The following CSNK2A1 variants were observed in gnomAD, a reference collection of about 807,000 sequenced individuals.
CSNK2A1 encodes casein kinase 2 alpha 1.
CSNK2A1 carries 10 observed loss-of-function variants against 62.9 expected under a neutral mutation model. The ratio of observed to expected loss-of-function variants is 0.16; its 90% CI spans 0.10 to 0.27. CSNK2A1 has a LOEUF of 0.27. Among genes scored for constraint, CSNK2A1 ranks in the 10% least tolerant of loss-of-function variants. The pLI, the probability that CSNK2A1 is intolerant of heterozygous loss-of-function variation, is 1.00. For synonymous variants in CSNK2A1, 124 were observed against 167.8 expected (o/e 0.74, Z 2.02); for missense variants, 160 against 492.0 (o/e 0.33, Z 6.38).
chr20:522,015 C>G (rs925539645), intron 2 of CSNK2A1, among the ~76,000 whole-genome samples: 2 of 152,204 alleles, frequency 1.3e-5, no homozygotes, highest in Non-Finnish European at 2.9e-5. Flanking sequence ...TGTTAGGAAC[C>G]AGGCTACACA....
rs74558287 is a variant in CSNK2A1 at position 485,338 on chromosome 20, C to T, written c.1060+1038G>A. ...GCTGGGATTAAAGGCGCCGCCGCCA[C>T]GCCCAGCTAATTTTTTGTATTTCCA... On this transcript the variant is annotated intron_variant, in intron 13 of 13. Coordinates refer to ENST00000217244, the MANE Select transcript of CSNK2A1 (RefSeq NM_177559.3). 6.7e-3 allele frequency among the ~76,000 whole-genome samples: 1,012 copies of T among 151,486 alleles called. 12 individuals are homozygous for T. Among genetic ancestry groups the T allele is most frequent in the African/African-American group, 0.022 (893 of 41,304 alleles).
chr20:508,324 C>G, intron 3 of CSNK2A1, 127 bp downstream of exon 3: 4 of 1,053,272 alleles, frequency 3.8e-6, no homozygotes, highest in Non-Finnish European at 5.3e-6. Context: ...AAAGAAAACA[C>G]AAATTGGGCT....
chr20:485,093 AAAAAAAAAAAAAAAAAATATATATATAT>A (rs2018052981), intron 13 of CSNK2A1, among the ~76,000 whole-genome samples: 3 of 37,804 alleles, frequency 7.9e-5, no homozygotes, highest in African/African-American at 2.7e-4. Context: ...AAAAAAAAAA[AAAAAAAAAAAAAAAAAATATATATATAT>A]ATATATATAT....
chr20:480,255 T>A lies in CSNK2A1; in HGVS notation c.*3706A>T, dbSNP rs895372445. On this transcript the variant is annotated 3_prime_UTR_variant, in exon 14 of 14. Coordinates refer to ENST00000217244, the MANE Select transcript of CSNK2A1 (RefSeq NM_177559.3). ...TACTTTGTGTGTGTGTGTGTGTGTGTGTGGGTGGGTGGGTGTGTGTGTGTA... is the reference window on the plus strand; with the variant it reads ...TACTTTGTGTGTGTGTGTGTGTGTGAGTGGGTGGGTGGGTGTGTGTGTGTA... 6.7e-6 allele frequency: 1 copy of A among 149,484 alleles called. No homozygotes were observed. Among genetic ancestry groups the A allele is most frequent in the Non-Finnish European group, 1.5e-5 (1 of 67,864 alleles). 9.3% of individuals were successfully genotyped at this position (149,484 alleles called of 1,614,324 possible).
chr20:531,189 C>T (rs1568564791), intron 1 of CSNK2A1, among the ~76,000 whole-genome samples: 1 of 151,484 alleles, frequency 6.6e-6, no homozygotes, highest in Non-Finnish European at 1.5e-5. Flanking sequence ...ATTTAACTTT[C>T]TATTTCTTAA....
At chr20:494,666 T>G (rs1460754456) in intron 8 of CSNK2A1, 1 of 152,236 alleles carries the variant, frequency 6.6e-6, no homozygotes, top group Non-Finnish European at 1.5e-5. Context: ...ATGCAAAAGC[T>G]CTCTATCTTC....
chr20:541,601 G>A (rs376885197), intron 1 of CSNK2A1, among the ~76,000 whole-genome samples: 53 of 152,250 alleles, frequency 3.5e-4, no homozygotes, highest in African/African-American at 1.2e-3. Context: ...GGAAAAGGAC[G>A]CGCAGTATGG....
intron 13 of CSNK2A1, among the ~76,000 whole-genome samples, chr20:485,751 A>T (rs2122501243): frequency 6.6e-6 from 1 of 152,322 alleles, no homozygotes; most frequent in East Asian, 1.9e-4. Flanking sequence ...AAAAAAGAGG[A>T]GGGCAACAGC....
chr20:510,204 C>G (rs574637863), intron 2 of CSNK2A1: 387 of 147,770 alleles, frequency 2.6e-3, no homozygotes, highest in African/African-American at 9.0e-3. Flanking sequence ...TGGAGTTTCG[C>G]TCTTGTTGCT....
At position 543,711 on chromosome 20, in the gene CSNK2A1, C is replaced by A; in HGVS notation, c.-266G>T. 5.0e-6 allele frequency: 2 copies of A among 398,458 alleles called. No individual in the cohort carries two copies. Among genetic ancestry groups the A allele is most frequent in the Non-Finnish European group, 8.8e-6 (2 of 226,042 alleles). The allele number at this position is 398,458 out of a possible 1,614,324, so 24.7% of individuals were successfully genotyped here. A position where few individuals can be genotyped will look rare whatever the true frequency, so the allele number is the denominator to read the frequency against. ...GCAGCGGCGGCGGCCGCTCTCCCCT[C>A]TGCTCACACAGACAATATGGCGGCG... is the stretch of plus-strand genomic sequence containing the variant. On this transcript the variant is annotated 5_prime_UTR_variant, in exon 1 of 14. Coordinates refer to ENST00000217244, the MANE Select transcript of CSNK2A1 (RefSeq NM_177559.3).
At position 474,263 on chromosome 20, in the gene CSNK2A1, A is replaced by C. The variant is rs2017805980; in HGVS notation, c.*9698T>G. 1 of 152,184 alleles carries C rather than the reference A, an allele frequency of 6.6e-6. No individual in the cohort carries two copies. Among genetic ancestry groups the C allele is most frequent in the Non-Finnish European group, 1.5e-5 (1 of 68,050 alleles). The allele number at this position is 152,184 out of a possible 1,614,324, so 9.4% of individuals were successfully genotyped here. ...GAACAGAGGACTCGCTGTGTTACCC[A>C]GGCCTCAAGTGATCATCGGGCCTTG... On this transcript the variant is annotated 3_prime_UTR_variant, in exon 14 of 14. Transcript: ENST00000217244.
At chr20:491,505 C>T (rs1004907646) in intron 9 of CSNK2A1, among the ~76,000 whole-genome samples, 9 of 151,954 alleles carry the variant, frequency 5.9e-5, no homozygotes, top group African/African-American at 2.2e-4. Flanking sequence ...TCTCTCTACA[C>T]ACAAAAAAAT....
At chr20:510,359 G>C (rs971652552) in intron 2 of CSNK2A1, 1 of 152,008 alleles carries the variant, frequency 6.6e-6, no homozygotes, top group Admixed American at 6.6e-5. Flanking sequence ...ATTTTTAGTA[G>C]AGATAGGGTT....
chr20:487,355 G>C, intron 12 of CSNK2A1, 72 bp downstream of exon 12: 1 of 1,590,736 alleles, frequency 6.3e-7, no homozygotes, highest in Non-Finnish European at 8.6e-7. Context: ...GCTGACAGGA[G>C]CTGGGATTAC....
At chr20:496,376 T>C (rs183542168) in intron 7 of CSNK2A1, 1 of 152,834 alleles carries the variant, frequency 6.5e-6, no homozygotes, top group African/African-American at 2.4e-5. Context: ...GCCTAAAATA[T>C]TTACTATTTG....
At chr20:531,665 T>C (rs1386420117) in intron 1 of CSNK2A1, among the ~76,000 whole-genome samples, 4 of 152,166 alleles carry the variant, frequency 2.6e-5, no homozygotes, top group Admixed American at 6.5e-5. Context: ...CAGAAACTCA[T>C]CTAAGAAGGC....
chr20:523,959 C>A (rs950296335), intron 2 of CSNK2A1, among the ~76,000 whole-genome samples: 3 of 150,414 alleles, frequency 2.0e-5, no homozygotes, highest in African/African-American at 7.4e-5. Flanking sequence ...GGGTAACATG[C>A]AGAAGGTGAT....
chr20:494,646 A>C (rs2018307852), intron 8 of CSNK2A1: 2 of 152,250 alleles, frequency 1.3e-5, no homozygotes, highest in South Asian at 4.1e-4. Context: ...AACATGCTAA[A>C]GCTTAGAATA....
intron 8 of CSNK2A1, among the ~76,000 whole-genome samples, chr20:492,877 G>C (rs767879773): frequency 2.0e-5 from 3 of 152,092 alleles, no homozygotes; most frequent in Non-Finnish European, 4.4e-5. Flanking sequence ...GGAGAAAAAT[G>C]AATAAATATT....
Sources: allele counts gnomAD v4.1 joint callset (sites outside exome capture counted in the v4.1 genomes callset), GRCh38; gene constraint gnomAD v4.1.1; transcripts MANE v1.5; gene names NCBI Gene and HGNC (gene_info 2026-07-23, HGNC 2026-07-21).